GLOD4: variants seen among roughly 807,000 people sequenced by gnomAD.
The protein encoded by GLOD4 is glyoxalase domain containing 4, also known as glyoxalase domain-containing protein 4.
A neutral mutation model predicts 39.1 loss-of-function variants in GLOD4; 44 were observed. That is an observed-to-expected ratio of 1.13 (90% CI 0.88 to 1.45). The LOEUF (loss-of-function observed/expected upper bound fraction) is 1.45. Among genes scored for constraint, GLOD4 ranks in the 40% most tolerant of loss-of-function variants. GLOD4 has a pLI of 0.00. For synonymous variants in GLOD4, 145 were observed against 135.0 expected (o/e 1.07, Z -0.52); for missense variants, 405 against 366.4 (o/e 1.11, Z -0.86).
chr17:766,784 AGCTCCTTGG>A (rs1906643113), intron 8 of GLOD4, among the ~76,000 whole-genome samples: 2 of 152,176 alleles, frequency 1.3e-5, no homozygotes, highest in Non-Finnish European at 2.9e-5. Flanking sequence ...CTGTAGTTCC[AGCTCCTTGG>A]GAGGCCGAGG....
chr17:778,845 A>T, intron 1 of GLOD4, 101 bp from the exon 2 acceptor site: 1 of 680,402 alleles, frequency 1.5e-6, no homozygotes, highest in Non-Finnish European at 2.6e-6. Context: ...ATCATTTATA[A>T]GCTTTACTTG....
chr17:771,289 C>T, intron 5 of GLOD4, 36 bp downstream of exon 5: 1 of 1,452,654 alleles, frequency 6.9e-7, no homozygotes, highest in Non-Finnish European at 9.4e-7. Flanking sequence ...AAGCCAAATT[C>T]AAAGTAACAG....
Position 775,746 on chromosome 17 carries a change from G to C in GLOD4, c.406+29C>G, listed in dbSNP as rs374873979. ...CTTTCACCAAAGATGCCTTTAGACA[G>C]AGGCTTTTACTGGTTCTGGTATAAT... On this transcript the variant is annotated intron_variant, in intron 4 of 8. Coordinates refer to ENST00000301329, the MANE Select transcript of GLOD4 (RefSeq NM_016080.4). 3.1e-6 allele frequency: 5 copies of C among 1,598,580 alleles called. No individual in the cohort carries two copies. The South Asian group carries it at 5.5e-5, about 18-fold the overall frequency.
upstream of GLOD4, chr17:782,502 T>C (rs1910165886): frequency 1.2e-6 from 2 of 1,613,390 alleles, no homozygotes; most frequent in Non-Finnish European, 8.5e-7. Flanking sequence ...GAAAGTGGTG[T>C]TTCCTTCCGG....
At chr17:769,754 A>G (rs1299087474) in intron 8 of GLOD4, 115 bp downstream of exon 8, 10 of 724,118 alleles carry the variant, frequency 1.4e-5, no homozygotes, top group Middle Eastern at 2.4e-4. Context: ...CCAACAGCGA[A>G]AGGACGTGGT....
chr17:782,264 C>G lies in GLOD4; in HGVS notation c.-9G>C. 1 of 1,613,270 alleles carries G rather than the reference C, an allele frequency of 6.2e-7. No homozygotes were observed. Among genetic ancestry groups the G allele is most frequent in the Non-Finnish European group, 8.5e-7 (1 of 1,179,552 alleles). ...GCTCTGCGAGCAGCCATGATTCCCGCCGCACGCAGCCGTCACGCGCACCGT... is the reference window on the plus strand; with the variant it reads ...GCTCTGCGAGCAGCCATGATTCCCGGCGCACGCAGCCGTCACGCGCACCGT... On this transcript the variant is annotated 5_prime_UTR_variant, in exon 1 of 9. Coordinates refer to ENST00000301329, the MANE Select transcript of GLOD4 (RefSeq NM_016080.4).
chr17:770,289 G>A, intron 6 of GLOD4, 132 bp from the exon 7 acceptor site: 1 of 760,012 alleles, frequency 1.3e-6, no homozygotes, highest in Non-Finnish European at 2.4e-6. Flanking sequence ...TATCTCAGCT[G>A]CTCTTGAAAC....
chr17:783,286 T>G (rs370980685), upstream of GLOD4: 116 of 1,613,602 alleles, frequency 7.2e-5, no homozygotes, highest in Non-Finnish European at 9.6e-5. Context: ...TTTGAGGATA[T>G]CAAGGATTGG....
In GLOD4 at chr17:770,496, C is replaced by G. The variant is rs1445569418; in HGVS notation, c.555G>C (p.Glu185Asp). 1 of 1,543,544 alleles carries G rather than the reference C, an allele frequency of 6.5e-7. No homozygotes were observed. Residue 185 changes from glutamate (E) to aspartate (D), a missense_variant, in exon 6 of 9, where the codon GAG becomes GAC. Transcript: ENST00000301329. ...LGYADNQCKL[E>D]LQGVKGGVDH... ...CCACCCCACCCTTGACGCCCTGTAG[C>G]TCCAGCTTACACTGAAATAGGAAAG...
At chr17:761,154 T>C (rs1905354627) in intron 8 of GLOD4, among the ~76,000 whole-genome samples, 1 of 152,218 alleles carries the variant, frequency 6.6e-6, no homozygotes, top group African/African-American at 2.4e-5. Context: ...GTATTTTGCA[T>C]GACAGAGTGT....
In GLOD4 at chr17:782,199, C is replaced by A. The variant is rs890082617; in HGVS notation, c.57G>T (p.Thr19=). The change falls in exon 1 of 9, where the codon ACG becomes ACT. Residue 19 remains threonine, a synonymous_variant. Transcript: ENST00000301329. ...CCAGGACGTCCCGATAGAAACGCGC[C>A]GTCTGGAAGCGGTTTCCCACTTTGA... The part of the protein sequence containing the change: ...FVFKVGNRFQ[T]ARFYRDVLGM... 1 of 1,612,588 alleles carries A rather than the reference C, an allele frequency of 6.2e-7. No individual in the cohort carries two copies. Among genetic ancestry groups the A allele is most frequent in the East Asian group, 2.2e-5 (1 of 44,870 alleles).
At chr17:767,667 G>A (rs1196832727) in intron 8 of GLOD4, among the ~76,000 whole-genome samples, 2 of 150,940 alleles carry the variant, frequency 1.3e-5, no homozygotes, top group African/African-American at 4.9e-5. Context: ...TGGAGAGGAC[G>A]TGAGAGAGAG....
At chr17:781,088 T>C (rs1254213690) in intron 1 of GLOD4, among the ~76,000 whole-genome samples, 1 of 151,840 alleles carries the variant, frequency 6.6e-6, no homozygotes, top group Non-Finnish European at 1.5e-5. Flanking sequence ...GCCCGGCTAA[T>C]TTTTGTATTT....
chr17:781,981 T>G, intron 1 of GLOD4, 185 bp downstream of exon 1: 1 of 589,256 alleles, frequency 1.7e-6, no homozygotes, highest in South Asian at 2.1e-5. Context: ...TAGGCCCTTC[T>G]CCAAGGCCTA....
Position 772,187 on chromosome 17 carries a change from G to GAA in GLOD4, c.407-728_407-727dup, listed in dbSNP as rs58914913. Among the ~76,000 whole-genome samples, 430 of 50,848 alleles carry GAA rather than the reference G, an allele frequency of 8.5e-3. 12 individuals carry two copies. In the Middle Eastern group the frequency reaches 0.11, roughly 13 times the overall value. 33.4% of individuals were successfully genotyped at this position (50,848 alleles called of 152,430 possible). A position where few individuals can be genotyped will look rare whatever the true frequency, so the allele number is the denominator to read the frequency against. ...CTGGGTGACAGTGAGACCCTATCTC[G>GAA]AAAAAAAAAAAAAAAAAAAAAACAA... On this transcript the variant is annotated intron_variant, in intron 4 of 8. Coordinates refer to ENST00000301329, the MANE Select transcript of GLOD4 (RefSeq NM_016080.4).
chr17:783,075 A>G, upstream of GLOD4: 4 of 1,590,748 alleles, frequency 2.5e-6, no homozygotes, highest in Non-Finnish European at 3.4e-6. Context: ...TTTTATTTCC[A>G]TCTACAGCAG....
At chr17:778,532 G>C (rs1043067295) in intron 2 of GLOD4, 163 bp downstream of exon 2, 1 of 658,384 alleles carries the variant, frequency 1.5e-6, no homozygotes, top group African/African-American at 1.8e-5. Flanking sequence ...ACTCATGAGA[G>C]TGCAGAGAAA....
chr17:781,902 C>G (rs1258428556), intron 1 of GLOD4: 4 of 465,600 alleles, frequency 8.6e-6, no homozygotes, highest in Middle Eastern at 5.7e-4. Context: ...AAGGGCGGGG[C>G]TCAATAAACG....
intron 1 of GLOD4, among the ~76,000 whole-genome samples, chr17:780,226 A>G (rs545417281): frequency 9.9e-5 from 15 of 152,166 alleles, no homozygotes; most frequent in Non-Finnish European, 1.0e-4. Flanking sequence ...CCTTAATAAC[A>G]CCAAAAAAGC....
Sources: gnomAD v4.1 joint callset for allele counts (sites outside exome capture counted in the v4.1 genomes callset) on GRCh38, gnomAD v4.1.1 for gene constraint, MANE v1.5 for transcripts, NCBI Gene and HGNC (gene_info 2026-07-23, HGNC 2026-07-21) for gene names.